The following KCNIP4 variants were observed in gnomAD, a reference collection of about 807,000 sequenced individuals.
KCNIP4 encodes the protein potassium voltage-gated channel interacting protein 4.
In KCNIP4, 12 loss-of-function variants were observed where a neutral mutation model predicts 34.0. That is an observed-to-expected ratio of 0.35 (90% CI 0.23 to 0.57). The LOEUF (loss-of-function observed/expected upper bound fraction) is 0.57, where lower values mean the gene tolerates loss of function less well. Among genes scored for constraint, KCNIP4 ranks in the 20% least tolerant of loss-of-function variants. The pLI is 0.83. For missense variants in KCNIP4, 238 were observed against 311.7 expected, an observed-to-expected ratio of 0.76 and a Z score of 1.78; for synonymous variants, 124 against 102.2, an observed-to-expected ratio of 1.21 and a Z score of -1.29.
At chr4:20,948,960 C>G (rs1732481605) in intron 1 of KCNIP4, among the ~76,000 whole-genome samples, 1 of 152,130 alleles carries the variant, frequency 6.6e-6, no homozygotes, top group African/African-American at 2.4e-5. Context: ...TTTCACTGCA[C>G]CATTTAATGG....
At chr4:21,761,496 G>A (rs1718049441) in intron 1 of KCNIP4, among the ~76,000 whole-genome samples, 1 of 151,916 alleles carries the variant, frequency 6.6e-6, no homozygotes, top group Admixed American at 6.6e-5. Context: ...ACACTATACA[G>A]ACATTACAAT....
chr4:20,993,769 A>G (rs982095756), intron 1 of KCNIP4, among the ~76,000 whole-genome samples: 1 of 152,242 alleles, frequency 6.6e-6, no homozygotes, highest in Admixed American at 6.5e-5. Flanking sequence ...CCTGGTGGCT[A>G]AAACTGACAC....
chr4:20,777,242 G>A (rs1756454815), intron 3 of KCNIP4, among the ~76,000 whole-genome samples: 1 of 152,148 alleles, frequency 6.6e-6, no homozygotes, highest in South Asian at 2.1e-4. Flanking sequence ...GGTGAAGGGG[G>A]AAAGCCCCTT....
At chr4:21,140,336 A>C (rs1261958527) in intron 1 of KCNIP4, among the ~76,000 whole-genome samples, 1 of 152,164 alleles carries the variant, frequency 6.6e-6, no homozygotes, top group South Asian at 2.1e-4. Context: ...TCATTCATGT[A>C]AACTTCTTAG....
rs539420060 is a variant in KCNIP4 at position 21,113,986 on chromosome 4, C to G, written c.62-231277G>C. Among the ~76,000 whole-genome samples the G allele has an allele frequency of 2.4e-4, 36 of 152,220 alleles. 1 individual carries two copies. The South Asian group carries it at 7.5e-3, about 32-fold the overall frequency. The stretch of plus-strand genomic sequence containing the variant: ...GAGATTTCTCTGCTTTTTCTTTTGG[C>G]TGGTCATATGAATCATGCTTAAAAT... On this transcript the variant is annotated intron_variant, in intron 1 of 8. Transcript: ENST00000382152.
intron 1 of KCNIP4, among the ~76,000 whole-genome samples, chr4:21,402,689 C>T (rs973224490): frequency 6.6e-6 from 1 of 152,126 alleles, no homozygotes; most frequent in African/African-American, 2.4e-5. Context: ...CCTGTACCTG[C>T]TTACACAGCT....
intron 1 of KCNIP4, among the ~76,000 whole-genome samples, chr4:21,600,163 C>G (rs1280205708): frequency 6.6e-6 from 1 of 152,014 alleles, no homozygotes. Flanking sequence ...GGTATGGCTT[C>G]CTCCCTAAAG....
At chr4:21,731,537 T>G (rs1457380348) in intron 1 of KCNIP4, among the ~76,000 whole-genome samples, 1 of 152,196 alleles carries the variant, frequency 6.6e-6, no homozygotes, top group East Asian at 1.9e-4. Context: ...AGAAATCTCA[T>G]GCTCATTTAC....
chr4:21,571,168 C>T (rs768177276), intron 1 of KCNIP4, among the ~76,000 whole-genome samples: 18 of 152,124 alleles, frequency 1.2e-4, no homozygotes, highest in Non-Finnish European at 2.6e-4. Flanking sequence ...GTTACTTCTC[C>T]GCCTTCTCAC....
chr4:20,900,868 G>T (rs915898718), intron 1 of KCNIP4, among the ~76,000 whole-genome samples: 4 of 152,052 alleles, frequency 2.6e-5, no homozygotes, highest in African/African-American at 9.7e-5. Context: ...AAGCAATATT[G>T]TGTTCTCGAG....
chr4:21,201,056 C>CA (rs1756455242), intron 1 of KCNIP4, among the ~76,000 whole-genome samples: 1 of 151,934 alleles, frequency 6.6e-6, no homozygotes, highest in South Asian at 2.1e-4. Flanking sequence ...CTATTTTATT[C>CA]AAAAAAATGG....
intron 1 of KCNIP4, among the ~76,000 whole-genome samples, chr4:20,956,712 GT>G (rs1276413888): frequency 2.0e-5 from 3 of 152,122 alleles, no homozygotes; most frequent in Non-Finnish European, 4.4e-5. Flanking sequence ...AATAAATATG[GT>G]TTTTAAATTT....
intron 1 of KCNIP4, among the ~76,000 whole-genome samples, chr4:21,422,662 T>G (rs1400651774): frequency 2.4e-5 from 2 of 84,768 alleles, no homozygotes; most frequent in African/African-American, 1.1e-4. Context: ...TGTGTGTTTG[T>G]GTGTGTGTGT....
chr4:21,328,615 C>T (rs556876818), intron 1 of KCNIP4, among the ~76,000 whole-genome samples: 18 of 152,272 alleles, frequency 1.2e-4, no homozygotes, highest in African/African-American at 3.4e-4. Flanking sequence ...TTCTTTAGGG[C>T]GCCACCATCA....
At chr4:21,605,852 A>G (rs1312113325) in intron 1 of KCNIP4, among the ~76,000 whole-genome samples, 2 of 152,096 alleles carry the variant, frequency 1.3e-5, no homozygotes, top group Non-Finnish European at 2.9e-5. Context: ...CCATTCCCTG[A>G]CCACCATCAA....
rs1560490367 is a variant in KCNIP4, at chr4:21,528,792, AAAGGAAGAAAGGAAGG to A, written c.61+419763_61+419778del. On this transcript the variant is annotated intron_variant, in intron 1 of 8. Transcript: ENST00000382152. The stretch of plus-strand genomic sequence containing the variant: ...GAAAGAAAGAAAGGAAGAAAGGAAG[AAAGGAAGAAAGGAAGG>A]AAGGAAGGAAGGAAGGAAGGAAGGA... Among the ~76,000 whole-genome samples the A allele has an allele frequency of 9.8e-4, 20 of 20,352 alleles. 3 individuals carry two copies. Among genetic ancestry groups the A allele is most frequent in the South Asian group, 4.7e-3 (2 of 428 alleles). The allele number at this position is 20,352 out of a possible 152,430, so 13.4% of individuals were successfully genotyped here. A position where few individuals can be genotyped will look rare whatever the true frequency, so the allele number is the denominator to read the frequency against.
rs876478 is a variant in KCNIP4 at position 21,155,339 on chromosome 4, C to A, written c.62-272630G>T. Among the ~76,000 whole-genome samples, 272 of 152,068 alleles carry A rather than the reference C, an allele frequency of 1.8e-3. 2 individuals carry two copies. The highest frequency in any genetic ancestry group is 6.2e-3 in the African/African-American group (257 of 41,468). On this transcript the variant is annotated intron_variant, in intron 1 of 8. Transcript: ENST00000382152. ...TGTACATATTGCCTCTGCCAAGGAA[C>A]CTTAGAAGACATTATTTTAAGGAGA...
intron 1 of KCNIP4, among the ~76,000 whole-genome samples, chr4:21,326,402 G>T (rs1374699106): frequency 6.6e-6 from 1 of 150,568 alleles, no homozygotes; most frequent in Non-Finnish European, 1.5e-5. Flanking sequence ...AATCTATTTT[G>T]TCTAACTGTA....
intron 1 of KCNIP4, among the ~76,000 whole-genome samples, chr4:21,335,210 T>G (rs1186372039): frequency 1.3e-5 from 2 of 152,018 alleles, no homozygotes; most frequent in Non-Finnish European, 2.9e-5. Context: ...AATCCCCTTG[T>G]GACTTTGGAA....
Sources: gnomAD v4.1 joint callset for allele counts (sites outside exome capture counted in the v4.1 genomes callset) on GRCh38, gnomAD v4.1.1 for gene constraint, MANE v1.5 for transcripts, NCBI Gene and HGNC (gene_info 2026-07-23, HGNC 2026-07-21) for gene names.